The following HMX1 variants were observed in gnomAD, a reference collection of about 807,000 sequenced individuals.
The protein encoded by HMX1 is H6 family homeobox 1.
A neutral mutation model predicts 8.9 loss-of-function variants in HMX1; 8 were observed. That is an observed-to-expected ratio of 0.90 (90% confidence interval 0.53 to 1.63). The LOEUF (loss-of-function observed/expected upper bound fraction) is 1.63. Among genes scored for constraint, HMX1 ranks in the 40% most tolerant of loss-of-function variants. The probability of loss-of-function intolerance (pLI) is 0.00; values close to 1 mark genes in which losing one functional copy is unlikely to be tolerated. For missense variants in HMX1, 621 were observed against 558.5 expected (o/e 1.11, Z -1.13); for synonymous variants, 311 against 283.4 (o/e 1.10, Z -0.98).
chr4:8,854,146 TC>T (rs951957386), intron 1 of HMX1, among the ~76,000 whole-genome samples: 11 of 152,238 alleles, frequency 7.2e-5, no homozygotes, highest in African/African-American at 2.4e-4. Context: ...AGGACACAAG[TC>T]CCTGCCCTCC....
intron 1 of HMX1, among the ~76,000 whole-genome samples, chr4:8,861,353 C>T (rs1241815652): frequency 1.3e-5 from 2 of 152,212 alleles, no homozygotes; most frequent in Non-Finnish European, 2.9e-5. Context: ...GCCCCGGAGG[C>T]CGCGCTTCCC....
intron 1 of HMX1, among the ~76,000 whole-genome samples, chr4:8,861,046 G>C (rs950420537): frequency 2.0e-5 from 3 of 151,970 alleles, no homozygotes; most frequent in Non-Finnish European, 2.9e-5. Context: ...GGAAGGTCCC[G>C]GGCGGCCGGA....
At chr4:8,857,582 GC>G (rs1368328169) in intron 1 of HMX1, among the ~76,000 whole-genome samples, 1 of 142,884 alleles carries the variant, frequency 7.0e-6, no homozygotes, top group African/African-American at 2.5e-5. Flanking sequence ...GCACCCCCCC[GC>G]CCCCCTGCCT....
rs1721312382 is a variant in HMX1, at chr4:8,847,433, T to G, written c.395-1109A>C. Among the ~76,000 whole-genome samples the G allele has an allele frequency of 6.6e-6, 1 of 152,218 alleles. No individual in the cohort carries two copies. Reference sequence around the variant, plus strand: ...ATGCTGTTCACGGTGAAGCCACATCTGCAAAGAGCTATTTCTGTAACGGGA... The same window carrying G: ...ATGCTGTTCACGGTGAAGCCACATCGGCAAAGAGCTATTTCTGTAACGGGA... On this transcript the variant is annotated intron_variant, in intron 1 of 1. Coordinates refer to the HMX1 transcript ENST00000506970. The surrounding 1 kb of genome is among the most constrained non-coding windows in gnomAD (Gnocchi z 6.0).
Position 8,867,151 on chromosome 4 carries a change from C to G in HMX1, c.*542G>C, listed in dbSNP as rs1165686968. The G allele has an allele frequency of 1.0e-6, 1 of 985,450 alleles. No individual in the cohort carries two copies. Among genetic ancestry groups the G allele is most frequent in the African/African-American group, 1.7e-5 (1 of 57,260 alleles). The allele number at this position is 985,450 out of a possible 1,614,324, so 61.0% of individuals were successfully genotyped here. A position where few individuals can be genotyped will look rare whatever the true frequency, so the allele number is the denominator to read the frequency against. On this transcript the variant is annotated 3_prime_UTR_variant, in exon 2 of 2. Coordinates refer to ENST00000400677, the MANE Select transcript of HMX1 (RefSeq NM_018942.3). ...TCTGCAGAGAGCCCCAGCCTGCCTGCTCCTGGAACGGACGATGGGACCCAC... is the reference window on the plus strand; with the variant it reads ...TCTGCAGAGAGCCCCAGCCTGCCTGGTCCTGGAACGGACGATGGGACCCAC...
rs1172824319 is a variant in HMX1 at position 8,868,105 on chromosome 4, C to T, written c.635G>A (p.Arg212His). ...RKKKTRTVFSRSQVFQLESTF... is the reference protein window; with the variant it reads ...RKKKTRTVFSHSQVFQLESTF... ...GGATTCCAGCTGGAAGACCTGGCTG[C>T]GGGAGAAGACTGTGCGCGTCTTCTT... Residue 212 changes from arginine to histidine, a missense_variant, in exon 2 of 2, where the codon CGC becomes CAC. Transcript: ENST00000400677. This position sits in a 1 kb window ranked among gnomAD's most constrained non-coding sequence, Gnocchi z 4.6. 2 of 1,512,412 alleles carry T rather than the reference C, an allele frequency of 1.3e-6. No individual in the cohort carries two copies. The highest frequency in any genetic ancestry group is 1.8e-6 in the Non-Finnish European group (2 of 1,132,534). 93.7% of individuals were successfully genotyped at this position (1,512,412 alleles called of 1,614,324 possible). A position where few individuals can be genotyped will look rare whatever the true frequency, so the allele number is the denominator to read the frequency against.
downstream of HMX1, among the ~76,000 whole-genome samples, chr4:8,866,127 G>A (rs185818049): frequency 3.8e-3 from 573 of 152,322 alleles, 9 homozygotes; most frequent in East Asian, 0.028. Context: ...CTGATGGGCC[G>A]GGGCGGGGGC....
chr4:8,849,730 C>T lies in HMX1; in HGVS notation c.395-3406G>A, dbSNP rs1053136545. Among the ~76,000 whole-genome samples, 1 of 152,224 alleles carries T rather than the reference C, an allele frequency of 6.6e-6. No homozygotes were observed. Among genetic ancestry groups the T allele is most frequent in the South Asian group, 2.1e-4 (1 of 4,834 alleles). On this transcript the variant is annotated intron_variant, in intron 1 of 1. Transcript: ENST00000506970. The surrounding 1 kb of genome is among the most constrained non-coding windows in gnomAD (Gnocchi z 6.6). ...CAACCCCAGGGGTTTTTCTCCCTCTCTTCCAATCCTCTGCCCTTGCTGGGT... is the reference window on the plus strand; with the variant it reads ...CAACCCCAGGGGTTTTTCTCCCTCTTTTCCAATCCTCTGCCCTTGCTGGGT...
Position 8,868,292 on chromosome 4 carries a change from C to A in HMX1, c.448G>T (p.Ala150Ser), listed in dbSNP as rs376695621. ...TGEEMGRAEG[A>S]WPRGPGPGAV... ...CCCGGCCCGGGGCCTCGCGGCCAGGCGCCCTCCGCACGGCCCATCTCCTCG... is the reference window on the plus strand; with the variant it reads ...CCCGGCCCGGGGCCTCGCGGCCAGGAGCCCTCCGCACGGCCCATCTCCTCG... The change falls in exon 2 of 2, where the codon GCC (alanine) becomes TCC (serine). Residue 150 changes from alanine to serine, a missense_variant. Coordinates refer to ENST00000400677, the MANE Select transcript of HMX1 (RefSeq NM_018942.3). The surrounding 1 kb of genome is among the most constrained non-coding windows in gnomAD (Gnocchi z 4.6). The A allele has an allele frequency of 1.7e-3, 2,433 of 1,441,726 alleles. 70 individuals are homozygous for A. The South Asian group carries it at 0.031, about 19-fold the overall frequency. 89.3% of individuals were successfully genotyped at this position (1,441,726 alleles called of 1,614,324 possible). A position where few individuals can be genotyped will look rare whatever the true frequency, so the allele number is the denominator to read the frequency against.
chr4:8,866,739 C>T (rs778719964), downstream of HMX1, among the ~76,000 whole-genome samples: 3 of 152,370 alleles, frequency 2.0e-5, no homozygotes, highest in South Asian at 4.1e-4. Context: ...CGAATGCCAG[C>T]GGCCATCAGT....
Position 8,867,181 on chromosome 4 carries a change from C to G in HMX1, c.*512G>C. 1 of 985,470 alleles carries G rather than the reference C, an allele frequency of 1.0e-6. No individual in the cohort carries two copies. The highest frequency in any genetic ancestry group is 4.7e-5 in the South Asian group (1 of 21,296). The allele number at this position is 985,470 out of a possible 1,614,324, so 61.0% of individuals were successfully genotyped here. On this transcript the variant is annotated 3_prime_UTR_variant, in exon 2 of 2. Coordinates refer to ENST00000400677, the MANE Select transcript of HMX1 (RefSeq NM_018942.3). The stretch of plus-strand genomic sequence containing the variant: ...GGAACGGACGATGGGACCCACAGGT[C>G]CAGGGTCCTTTCTCCACCAGCACCC...
At position 8,868,190 on chromosome 4, in the gene HMX1, C is replaced by T; in HGVS notation, c.550G>A (p.Glu184Lys). ...AGTEEASELA[E>K]VPAAAGETRG... ...GTCTCCCCAGCCGCCGCAGGGACCTCGGCCAGCTCCGACGCCTCCTCCGTG... is the reference window on the plus strand; with the variant it reads ...GTCTCCCCAGCCGCCGCAGGGACCTTGGCCAGCTCCGACGCCTCCTCCGTG... Residue 184 changes from glutamate to lysine, a missense_variant, in exon 2 of 2, where the codon GAG (glutamate) becomes AAG (lysine). Coordinates refer to ENST00000400677, the MANE Select transcript of HMX1 (RefSeq NM_018942.3). The surrounding 1 kb of genome is among the most constrained non-coding windows in gnomAD (Gnocchi z 4.6). 1 of 1,485,074 alleles carries T rather than the reference C, an allele frequency of 6.7e-7. No homozygotes were observed. The highest frequency in any genetic ancestry group is 8.9e-7 in the Non-Finnish European group (1 of 1,123,358). 92.0% of individuals were successfully genotyped at this position (1,485,074 alleles called of 1,614,324 possible).
rs1311628720 is a variant in HMX1 at position 8,870,227 on chromosome 4, TG to T, written c.394+993del. ...CAAGGTCCAAAGGCTGTGTTGGGGG[TG>T]GGGGGCTGGCTAAGCCAGGGCTTGG... On this transcript the variant is annotated intron_variant, in intron 1 of 1. Coordinates refer to ENST00000400677, the MANE Select transcript of HMX1 (RefSeq NM_018942.3). The surrounding 1 kb of genome is among the most constrained non-coding windows in gnomAD (Gnocchi z 4.4). Among the ~76,000 whole-genome samples the T allele has an allele frequency of 6.9e-6, 1 of 145,202 alleles. No homozygotes were observed. Among genetic ancestry groups the T allele is most frequent in the Non-Finnish European group, 1.5e-5 (1 of 66,416 alleles).
chr4:8,871,549 C>A lies in HMX1; in HGVS notation c.66G>T (p.Glu22Asp). ...CCTTGGCCTCGGCCGCCAGCAGGTT[C>A]TCGATGAGGAAGGAGGAGGCGCGGG... is the stretch of plus-strand genomic sequence containing the variant. ...TPARASSFLI[E>D]NLLAAEAKGA... is the part of the protein sequence containing the mutation. Residue 22 changes from glutamate to aspartate, a missense_variant, in exon 1 of 2, where the codon GAG (glutamate) becomes GAT (aspartate). Coordinates refer to ENST00000400677, the MANE Select transcript of HMX1 (RefSeq NM_018942.3). This position sits in a 1 kb window ranked among gnomAD's most constrained non-coding sequence, Gnocchi z 4.8. 1 of 1,367,148 alleles carries A rather than the reference C, an allele frequency of 7.3e-7. No individual in the cohort carries two copies. Among genetic ancestry groups the A allele is most frequent in the Non-Finnish European group, 9.5e-7 (1 of 1,057,202 alleles). 84.7% of individuals were successfully genotyped at this position (1,367,148 alleles called of 1,614,324 possible).
At chr4:8,860,076 C>G (rs555605120) in intron 1 of HMX1, among the ~76,000 whole-genome samples, 7 of 152,362 alleles carry the variant, frequency 4.6e-5, no homozygotes, top group African/African-American at 1.7e-4. Context: ...GGGGCGAAGC[C>G]GAGTTCGTGG....
chr4:8,860,965 G>A (rs1336981955), intron 1 of HMX1: 15 of 143,074 alleles, frequency 1.0e-4, no homozygotes, highest in African/African-American at 4.4e-4. Context: ...GGGGGCGGGG[G>A]CGAGGGCGGG....
chr4:8,862,979 T>C (rs1184622895), downstream of HMX1, among the ~76,000 whole-genome samples: 1 of 152,092 alleles, frequency 6.6e-6, no homozygotes, highest in Non-Finnish European at 1.5e-5. Flanking sequence ...AGGGCAGTCA[T>C]TCATTGGGTG....
rs1199030505 is a variant in HMX1 at position 8,853,672 on chromosome 4, T to C, written c.395-7348A>G. Among the ~76,000 whole-genome samples the C allele has an allele frequency of 2.0e-5, 3 of 152,126 alleles. No homozygotes were observed. Among genetic ancestry groups the C allele is most frequent in the Non-Finnish European group, 4.4e-5 (3 of 68,032 alleles). The stretch of plus-strand genomic sequence containing the variant: ...TTCAAGACCAGCCTGACCAATATGA[T>C]GAAACCCCGTCTCTACTAAAAATAC... On this transcript the variant is annotated intron_variant, in intron 1 of 1. Transcript: ENST00000506970. This position sits in a 1 kb window ranked among gnomAD's most constrained non-coding sequence, Gnocchi z 4.7.
chr4:8,858,034 G>A lies in HMX1; in HGVS notation c.395-11710C>T, dbSNP rs1000584291. Reference sequence around the variant, plus strand: ...TTGAAGCATCAGCTAAGCCATTAGGGCTAATGCGATGTACTGTAAGACGGG... The same window carrying A: ...TTGAAGCATCAGCTAAGCCATTAGGACTAATGCGATGTACTGTAAGACGGG... On this transcript the variant is annotated intron_variant, in intron 1 of 1. Coordinates refer to the HMX1 transcript ENST00000506970. 2.6e-5 allele frequency among the ~76,000 whole-genome samples: 4 copies of A among 151,956 alleles called. No individual in the cohort carries two copies. The South Asian group carries it at 6.3e-4, about 24-fold the overall frequency.
Sources: gnomAD v4.1 joint callset for allele counts (sites outside exome capture counted in the v4.1 genomes callset) on GRCh38, gnomAD v4.1.1 for gene constraint, Gnocchi (gnomAD v3.1) non-coding constraint, MANE v1.5 for transcripts, NCBI Gene and HGNC (gene_info 2026-07-23, HGNC 2026-07-21) for gene names.